SH3GL2: variants seen among roughly 807,000 people sequenced by gnomAD.
SH3GL2 encodes the protein SH3 domain containing GRB2 like 2, endophilin A1.
Under a neutral mutation model 46.0 loss-of-function variants are expected in SH3GL2, and 24 were observed. That is an observed-to-expected ratio of 0.52 (90% CI 0.38 to 0.73). SH3GL2 has a LOEUF of 0.73. Ranked by LOEUF, SH3GL2 falls within the 30% of genes least tolerant of loss-of-function variation. The probability of loss-of-function intolerance (pLI) is 0.00; values close to 1 mark genes in which losing one functional copy is unlikely to be tolerated. For synonymous variants in SH3GL2, 196 were observed against 147.1 expected (o/e 1.33, Z -2.40); for missense variants, 413 against 424.2 (o/e 0.97, Z 0.23).
At chr9:17,788,308 A>G (rs1177496123) in intron 5 of SH3GL2, among the ~76,000 whole-genome samples, 1 of 152,140 alleles carries the variant, frequency 6.6e-6, no homozygotes, top group Non-Finnish European at 1.5e-5. Context: ...GCTGTACCCT[A>G]TAGCTCAAAT....
chr9:17,641,955 C>T (rs1052870062), intron 1 of SH3GL2, among the ~76,000 whole-genome samples: 3 of 152,190 alleles, frequency 2.0e-5, no homozygotes, highest in East Asian at 1.9e-4. Context: ...GGTATATACC[C>T]ACTAATGGGA....
chr9:17,614,295 G>GAAAAAAAAAAAAAAAAA (rs3084628), intron 1 of SH3GL2, among the ~76,000 whole-genome samples: 3 of 70,302 alleles, frequency 4.3e-5, no homozygotes, highest in African/African-American at 5.8e-5. Context: ...CATGGTTTCT[G>GAAAAAAAAAAAAAAAAA]AAAAAAAAAA....
chr9:17,791,137 T>G, intron 6 of SH3GL2, 94 bp from the exon 7 acceptor site: 1 of 830,150 alleles, frequency 1.2e-6, no homozygotes, highest in Non-Finnish European at 2.1e-6. Flanking sequence ...GGGCTGTGTG[T>G]TGAGGGCAGC....
At chr9:17,607,152 G>A (rs1818775632) in intron 1 of SH3GL2, among the ~76,000 whole-genome samples, 2 of 152,160 alleles carry the variant, frequency 1.3e-5, no homozygotes, top group Admixed American at 6.5e-5. Context: ...GCATCATTAG[G>A]TGATTTCATA....
chr9:17,751,509 T>TGTGTGTGTGTGTGTGTG (rs1822844569), intron 2 of SH3GL2, among the ~76,000 whole-genome samples: 1 of 150,350 alleles, frequency 6.7e-6, no homozygotes, highest in Admixed American at 6.6e-5. Flanking sequence ...TGTGTGTGTG[T>TGTGTGTGTGTGTGTGTG]TTTGCCTCAG....
chr9:17,772,368 C>T (rs1823509805), intron 3 of SH3GL2, among the ~76,000 whole-genome samples: 1 of 152,126 alleles, frequency 6.6e-6, no homozygotes, highest in Non-Finnish European at 1.5e-5. Context: ...ATTATCTTAA[C>T]TATTTTTAAG....
chr9:17,726,222 G>T (rs1171272622), intron 1 of SH3GL2, among the ~76,000 whole-genome samples: 6 of 152,062 alleles, frequency 3.9e-5, no homozygotes, highest in Non-Finnish European at 8.8e-5. Flanking sequence ...CCTTCTTGGC[G>T]TGGTTTTTTA....
rs146208089 is a variant in SH3GL2 at position 17,646,422 on chromosome 9, A to G, written c.45+67135A>G. ...TGTCCAGTTTTGCTCCTTTGCTGGCAAGGAGTTGTGATCCTTTGGAGGAGA... is the reference window on the plus strand; with the variant it reads ...TGTCCAGTTTTGCTCCTTTGCTGGCGAGGAGTTGTGATCCTTTGGAGGAGA... On this transcript the variant is annotated intron_variant, in intron 1 of 8. Transcript: ENST00000380607. Among the ~76,000 whole-genome samples the G allele has an allele frequency of 9.6e-3, 1,467 of 152,144 alleles. 6 individuals are homozygous for G. The highest frequency in any genetic ancestry group is 0.015 in the Non-Finnish European group (1,022 of 68,008).
chr9:17,716,401 G>A (rs1439328894), intron 1 of SH3GL2, among the ~76,000 whole-genome samples: 4 of 152,090 alleles, frequency 2.6e-5, no homozygotes. Context: ...TTTGCTAGGA[G>A]GGACCAGAGC....
At chr9:17,732,838 A>G (rs1822220044) in intron 1 of SH3GL2, among the ~76,000 whole-genome samples, 1 of 152,160 alleles carries the variant, frequency 6.6e-6, no homozygotes, top group South Asian at 2.1e-4. Flanking sequence ...AAAATTTAAA[A>G]GATTTTTGCA....
intron 1 of SH3GL2, among the ~76,000 whole-genome samples, chr9:17,731,546 A>T (rs950051179): frequency 2.6e-5 from 4 of 152,110 alleles, no homozygotes; most frequent in Non-Finnish European, 5.9e-5. Context: ...AGGCAGCGTC[A>T]TGCAAGCCAG....
At chr9:17,638,548 G>T (rs1819600263) in intron 1 of SH3GL2, among the ~76,000 whole-genome samples, 1 of 152,216 alleles carries the variant, frequency 6.6e-6, no homozygotes, top group Admixed American at 6.5e-5. Flanking sequence ...GGATAGAGTG[G>T]TGAGAGAATT....
chr9:17,616,006 A>G (rs1460974485), intron 1 of SH3GL2, among the ~76,000 whole-genome samples: 1 of 152,166 alleles, frequency 6.6e-6, no homozygotes, highest in Non-Finnish European at 1.5e-5. Context: ...GTTTCTGGGA[A>G]TTGAGATTCA....
At chr9:17,638,353 G>A (rs1391146365) in intron 1 of SH3GL2, among the ~76,000 whole-genome samples, 1 of 152,102 alleles carries the variant, frequency 6.6e-6, no homozygotes, top group African/African-American at 2.4e-5. Flanking sequence ...CAGGCCCTCT[G>A]CTGAGTGCTA....
intron 1 of SH3GL2, among the ~76,000 whole-genome samples, chr9:17,729,984 C>G (rs1481937268): frequency 1.4e-5 from 2 of 147,646 alleles, no homozygotes; most frequent in Admixed American, 6.8e-5. Context: ...GTAGTTTTTT[C>G]TAATTCTGTG....
intron 2 of SH3GL2, among the ~76,000 whole-genome samples, chr9:17,757,499 A>G (rs141226266): frequency 0.011 from 1,626 of 152,338 alleles, 18 homozygotes; most frequent in Middle Eastern, 0.027. Context: ...GGCGAAGGAT[A>G]TGAACAGTTT....
At chr9:17,692,419 G>C (rs1261628080) in intron 1 of SH3GL2, among the ~76,000 whole-genome samples, 3 of 152,038 alleles carry the variant, frequency 2.0e-5, no homozygotes, top group Non-Finnish European at 2.9e-5. Context: ...GCCAAGGTGG[G>C]TGGATCATTT....
intron 1 of SH3GL2, among the ~76,000 whole-genome samples, chr9:17,594,373 C>A (rs1467499258): frequency 1.3e-5 from 2 of 151,822 alleles, no homozygotes; most frequent in African/African-American, 4.8e-5. Flanking sequence ...ACTTTATCAG[C>A]TTCATATTTT....
intron 1 of SH3GL2, among the ~76,000 whole-genome samples, chr9:17,690,813 G>A (rs1411584041): frequency 6.6e-6 from 1 of 152,118 alleles, no homozygotes; most frequent in Non-Finnish European, 1.5e-5. Flanking sequence ...TCCATATCAT[G>A]AGAATCATTA....
Sources: gnomAD v4.1 joint callset for allele counts (sites outside exome capture counted in the v4.1 genomes callset) on GRCh38, gnomAD v4.1.1 for gene constraint, MANE v1.5 for transcripts, NCBI Gene and HGNC (gene_info 2026-07-23, HGNC 2026-07-21) for gene names.